The following MAP3K15 variants were observed in gnomAD, a reference collection of about 807,000 sequenced individuals.
MAP3K15 encodes MAPK/ERK kinase kinase 15.
MAP3K15 carries 124 observed loss-of-function variants against 99.5 expected under a neutral mutation model. That is an observed-to-expected ratio of 1.25 (90% CI 1.08 to 1.45). The LOEUF (loss-of-function observed/expected upper bound fraction) is 1.45. Ranked by LOEUF, MAP3K15 falls within the 40% of genes most tolerant of loss-of-function variation. MAP3K15 has a pLI of 0.00. For missense variants in MAP3K15, 1,242 were observed against 1,079.7 expected (o/e 1.15, Z -2.11); for synonymous variants, 494 against 439.6 (o/e 1.12, Z -1.55).
intron 12 of MAP3K15, 44 bp downstream of exon 12, chrX:19,409,880 C>G (rs1209859973): frequency 1.0e-6 from 1 of 981,662 alleles, no homozygotes; most frequent in Non-Finnish European, 1.4e-6. Context: ...ACATTATCAT[C>G]ATTTGCATTA....
Position 19,490,514 on chromosome X carries a change from G to A in MAP3K15, c.362-1547C>T, listed in dbSNP as rs151240838. Among the ~76,000 whole-genome samples, 775 of 111,043 alleles carry A rather than the reference G, an allele frequency of 7.0e-3. 10 individuals carry two copies. The highest frequency in any genetic ancestry group is 0.024 in the African/African-American group (728 of 30,571). On this transcript the variant is annotated intron_variant, in intron 1 of 28. Coordinates refer to ENST00000338883, the MANE Select transcript of MAP3K15 (RefSeq NM_001001671.4). Reference sequence around the variant, plus strand: ...TGTAATCCCAACACTTTAGTTGGCCGAGGTGGGCAGAATGCTTGAGCTCAG... The same window carrying A: ...TGTAATCCCAACACTTTAGTTGGCCAAGGTGGGCAGAATGCTTGAGCTCAG...
chrX:19,454,972 C>T (rs1333413299), intron 6 of MAP3K15, among the ~76,000 whole-genome samples: 1 of 112,023 alleles, frequency 8.9e-6, no homozygotes, highest in Admixed American at 9.5e-5. Flanking sequence ...ATTAGAGATG[C>T]TCAATGTGTA....
At chrX:19,361,446 A>AG (rs1427418874) in intron 27 of MAP3K15, 31 bp from the exon 28 acceptor site, 9 of 1,186,400 alleles carry the variant, frequency 7.6e-6, no homozygotes, top group Admixed American at 2.2e-5. Flanking sequence ...TTAAGAGCTG[A>AG]GCAGCTGTGT....
intron 23 of MAP3K15, 103 bp downstream of exon 23, chrX:19,371,242 G>A (rs770527486): frequency 1.1e-6 from 1 of 913,565 alleles, no homozygotes; most frequent in Admixed American, 2.9e-5. Context: ...CTGAAGCTTG[G>A]GATTCAGGTG....
At chrX:19,445,225 A>G (rs2063986779) in intron 6 of MAP3K15, among the ~76,000 whole-genome samples, 3 of 110,070 alleles carry the variant, frequency 2.7e-5, no homozygotes. Context: ...CCAAATTCGT[A>G]TCTCAGGGGC....
At chrX:19,424,332 ATT>A (rs761929076) in intron 9 of MAP3K15, among the ~76,000 whole-genome samples, 2 of 106,736 alleles carry the variant, frequency 1.9e-5, no homozygotes, top group African/African-American at 6.9e-5. Context: ...ATATATATAT[ATT>A]TTTTTATGCT....
chrX:19,374,862 A>T (rs1361415685), intron 19 of MAP3K15, among the ~76,000 whole-genome samples: 1 of 111,483 alleles, frequency 9.0e-6, no homozygotes, highest in South Asian at 3.8e-4. Flanking sequence ...CTTGACTTTG[A>T]CCAACAGATA....
In MAP3K15 at chrX:19,483,069, T is replaced by G. The variant is rs915175158; in HGVS notation, c.525+3413A>C. 4.2e-3 allele frequency among the ~76,000 whole-genome samples: 442 copies of G among 105,158 alleles called. 1 individual carries two copies. The highest frequency in any genetic ancestry group is 5.4e-3 in the Non-Finnish European group (282 of 51,821). 91.3% of individuals were successfully genotyped at this position (105,158 alleles called of 115,157 possible). On this transcript the variant is annotated intron_variant, in intron 3 of 28. Transcript: ENST00000338883. ...TTTGAGACCAGCCTGGCCAACATGGTGAAACCCTGTCTCTACTAAAAAAAA... is the reference window on the plus strand; with the variant it reads ...TTTGAGACCAGCCTGGCCAACATGGGGAAACCCTGTCTCTACTAAAAAAAA...
chrX:19,453,318 C>T (rs1489978040), intron 6 of MAP3K15, among the ~76,000 whole-genome samples: 2 of 109,553 alleles, frequency 1.8e-5, no homozygotes, highest in African/African-American at 6.6e-5. Context: ...CTGGCCAACA[C>T]GGTGAAACCT....
chrX:19,381,644 G>A (rs1384693120), intron 18 of MAP3K15, among the ~76,000 whole-genome samples: 1 of 112,036 alleles, frequency 8.9e-6, no homozygotes, highest in African/African-American at 3.2e-5. Flanking sequence ...AGGAGGCAAT[G>A]GCAAGGGCAC....
In MAP3K15 at chrX:19,460,154, C is replaced by T. The variant is rs1257856934; in HGVS notation, c.720-1G>A. On this transcript the variant is annotated splice_acceptor_variant, in intron 4 of 28. Coordinates refer to ENST00000338883, the MANE Select transcript of MAP3K15 (RefSeq NM_001001671.4). LOFTEE classifies it high-confidence loss of function. ...TAACAAGGTTTCTTTGTAATAAACA[C>T]TATAGAAAGAAAAACACAAAATCCT... 1.7e-6 allele frequency: 2 copies of T among 1,168,288 alleles called. No individual in the cohort carries two copies. Among genetic ancestry groups the T allele is most frequent in the African/African-American group, 3.6e-5 (2 of 55,973 alleles).
intron 9 of MAP3K15, among the ~76,000 whole-genome samples, chrX:19,417,716 C>G (rs746874471): frequency 1.8e-4 from 20 of 111,828 alleles, no homozygotes; most frequent in South Asian, 3.7e-4. Flanking sequence ...GCACGCAGCT[C>G]GAGATCTGAG....
intron 2 of MAP3K15, among the ~76,000 whole-genome samples, chrX:19,487,284 A>G (rs1241595852): frequency 9.0e-6 from 1 of 111,274 alleles, no homozygotes; most frequent in African/African-American, 3.3e-5. Flanking sequence ...TTTAGGAAAT[A>G]TTTTTCTGTA....
At chrX:19,397,484 G>A (rs1329465758) in intron 15 of MAP3K15, among the ~76,000 whole-genome samples, 1 of 111,412 alleles carries the variant, frequency 9.0e-6, no homozygotes, top group East Asian at 2.8e-4. Context: ...GCATGGTGAC[G>A]TGTGTCTGTA....
Position 19,360,812 on chromosome X carries a change from G to A in MAP3K15, c.3879C>T (p.Leu1293=), listed in dbSNP as rs557102951. ...LRLRGGLLCR[L]WSAVSQYRRA... is the part of the protein sequence containing the mutation. Reference sequence around the variant, plus strand: ...TTCTGTACTGGGAGACCGCACTCCAGAGTCTGCAGAGGAGACCACCCCTGG... The same window carrying A: ...TTCTGTACTGGGAGACCGCACTCCAAAGTCTGCAGAGGAGACCACCCCTGG... Residue 1293 remains leucine, a synonymous_variant, in exon 29 of 29, where the codon CTC becomes CTT. Transcript: ENST00000338883. 1.7e-6 allele frequency: 2 copies of A among 1,207,455 alleles called. No homozygotes were observed. The highest frequency in any genetic ancestry group is 2.2e-5 in the Admixed American group (1 of 45,222).
chrX:19,402,025 T>C (rs1255349691), intron 13 of MAP3K15, among the ~76,000 whole-genome samples: 2 of 111,981 alleles, frequency 1.8e-5, no homozygotes, highest in East Asian at 5.6e-4. Context: ...TAGTGGCTCA[T>C]GCCTGTAATC....
chrX:19,363,934 T>C (rs2063316341), intron 25 of MAP3K15, among the ~76,000 whole-genome samples: 1 of 110,728 alleles, frequency 9.0e-6, no homozygotes, highest in Non-Finnish European at 1.9e-5. Flanking sequence ...ATTACAGGTG[T>C]GAGCCACCGC....
At position 19,425,983 on chromosome X, in the gene MAP3K15, G is replaced by A. The variant is rs374684842; in HGVS notation, c.1279+248C>T. On this transcript the variant is annotated intron_variant, in intron 8 of 28. Transcript: ENST00000338883. ...AAAATACAAAAAAAATTAGCTGGGC[G>A]TGGTGGTGGGCACCTGTAATCCCAG... is the stretch of plus-strand genomic sequence containing the variant. 3.0e-3 allele frequency among the ~76,000 whole-genome samples: 331 copies of A among 110,813 alleles called. 2 individuals are homozygous for A. Among genetic ancestry groups the A allele is most frequent in the African/African-American group, 0.01 (311 of 30,501 alleles).
intron 6 of MAP3K15, among the ~76,000 whole-genome samples, chrX:19,455,972 G>C (rs1330203848): frequency 1.8e-5 from 2 of 110,942 alleles, no homozygotes; most frequent in African/African-American, 6.6e-5. Flanking sequence ...GACTTTATCA[G>C]GCTTAATGAA....
Sources: gnomAD v4.1 joint callset for allele counts (sites outside exome capture counted in the v4.1 genomes callset) on GRCh38, gnomAD v4.1.1 for gene constraint, MANE v1.5 for transcripts, NCBI Gene and HGNC (gene_info 2026-07-23, HGNC 2026-07-21) for gene names.